The following MRRF variants were observed in gnomAD, a reference collection of about 807,000 sequenced individuals.
The protein encoded by MRRF is mitochondrial ribosome recycling factor.
In MRRF, 18 loss-of-function variants were observed where a neutral mutation model predicts 25.1. That is an observed-to-expected ratio of 0.72 (90% confidence interval 0.50 to 1.06). The LOEUF (loss-of-function observed/expected upper bound fraction) is 1.06, where lower values mean the gene tolerates loss of function less well. MRRF is among the 50% of genes least tolerant of loss of function. MRRF has a pLI of 0.00. For missense variants in MRRF, 323 were observed against 319.3 expected (o/e 1.01, Z -0.09); for synonymous variants, 113 against 112.1 (o/e 1.01, Z -0.05).
At chr9:122,283,147 G>A (rs1263691781) in intron 3 of MRRF, among the ~76,000 whole-genome samples, 1 of 149,572 alleles carries the variant, frequency 6.7e-6, no homozygotes, top group East Asian at 2.0e-4. Context: ...GGAGTGGAGT[G>A]CAATGGCGCG....
intron 5 of MRRF, among the ~76,000 whole-genome samples, chr9:122,293,458 A>G (rs762805113): frequency 6.6e-5 from 10 of 152,176 alleles, no homozygotes; most frequent in Non-Finnish European, 1.5e-4. Context: ...GACAACAAGA[A>G]TCAATCCCAA....
At chr9:122,273,514 CCTAT>C (rs927365029) in intron 2 of MRRF, among the ~76,000 whole-genome samples, 2 of 150,068 alleles carry the variant, frequency 1.3e-5, no homozygotes, top group East Asian at 1.9e-4. Flanking sequence ...CTGGGGGAAT[CCTAT>C]CTTTTTTTTT....
intron 5 of MRRF, among the ~76,000 whole-genome samples, chr9:122,308,473 C>T (rs1403058611): frequency 6.7e-6 from 1 of 149,352 alleles, no homozygotes. Flanking sequence ...CCGAGGCAGG[C>T]AGATCACTTA....
At chr9:122,265,574 A>G in intron 1 of MRRF, 1 of 376,244 alleles carries the variant, frequency 2.7e-6, no homozygotes, top group South Asian at 2.0e-5. Context: ...GTTTTAAACC[A>G]CACTGTTGCA....
At chr9:122,294,165 AG>A (rs1444413746) in intron 5 of MRRF, among the ~76,000 whole-genome samples, 1 of 152,170 alleles carries the variant, frequency 6.6e-6, no homozygotes, top group Non-Finnish European at 1.5e-5. Context: ...GGTTGTTCTT[AG>A]TGGCCTGCCA....
chr9:122,270,703 C>T lies in MRRF; in HGVS notation c.-28-161C>T, dbSNP rs953941980. The stretch of plus-strand genomic sequence containing the variant: ...AAAATGAGGCAAATAATATTTTCTT[C>T]TAGGGCTGTTGGGAAAAGGATTAGA... On this transcript the variant is annotated intron_variant, in intron 1 of 6. Coordinates refer to ENST00000344641, the MANE Select transcript of MRRF (RefSeq NM_138777.5). 1.3e-5 allele frequency: 8 copies of T among 626,048 alleles called. No individual in the cohort carries two copies. The African/African-American group carries it at 1.5e-4, about 11-fold the overall frequency. The allele number at this position is 626,048 out of a possible 1,614,324, so 38.8% of individuals were successfully genotyped here.
intron 5 of MRRF, among the ~76,000 whole-genome samples, chr9:122,308,371 T>C (rs1834991760): frequency 6.6e-6 from 1 of 151,674 alleles, no homozygotes; most frequent in Non-Finnish European, 1.5e-5. Flanking sequence ...ATTTTTAAAA[T>C]GTACTGTTTT....
intron 4 of MRRF, 183 bp downstream of exon 4, chr9:122,285,470 A>G: frequency 1.5e-6 from 1 of 648,006 alleles, no homozygotes; most frequent in Admixed American, 2.3e-5. Flanking sequence ...TTAAACTCAG[A>G]TGCTACAGAG....
intron 6 of MRRF, among the ~76,000 whole-genome samples, chr9:122,315,663 A>G (rs1461260312): frequency 1.3e-5 from 2 of 151,918 alleles, no homozygotes; most frequent in Non-Finnish European, 2.9e-5. Flanking sequence ...GGCCTCATTA[A>G]TAGTCTGGGC....
chr9:122,313,777 T>C (rs1386970421), intron 6 of MRRF, among the ~76,000 whole-genome samples: 1 of 152,180 alleles, frequency 6.6e-6, no homozygotes, highest in Non-Finnish European at 1.5e-5. Flanking sequence ...GCTAATGCTC[T>C]CCTGTCTGGT....
intron 4 of MRRF, 147 bp from the exon 5 acceptor site, chr9:122,291,602 C>T (rs1833773840): frequency 2.8e-6 from 2 of 705,458 alleles, no homozygotes; most frequent in Non-Finnish European, 2.6e-6. Flanking sequence ...TCAAAGCACT[C>T]TACACCAATG....
intron 5 of MRRF, among the ~76,000 whole-genome samples, chr9:122,293,154 A>G (rs1588044829): frequency 6.6e-6 from 1 of 152,168 alleles, no homozygotes; most frequent in East Asian, 1.9e-4. Flanking sequence ...TTTATTATGG[A>G]TAGGGAGGGT....
intron 6 of MRRF, among the ~76,000 whole-genome samples, chr9:122,316,636 G>A (rs10119462): frequency 0.022 from 3,403 of 152,064 alleles, 129 homozygotes; most frequent in African/African-American, 0.078. Flanking sequence ...GTGCGTGCAT[G>A]TTTTAAAGAT....
intron 6 of MRRF, among the ~76,000 whole-genome samples, chr9:122,316,775 G>A (rs1285364868): frequency 6.6e-6 from 1 of 151,466 alleles, no homozygotes; most frequent in Non-Finnish European, 1.5e-5. Context: ...ACATTGGAGA[G>A]GCAACCGCTC....
At chr9:122,290,978 G>C (rs995384669) in intron 4 of MRRF, among the ~76,000 whole-genome samples, 5 of 152,210 alleles carry the variant, frequency 3.3e-5, no homozygotes, top group Non-Finnish European at 7.3e-5. Flanking sequence ...TATAATAAAT[G>C]TATATAATAT....
chr9:122,320,630 G>C (rs145885298), intron 6 of MRRF, among the ~76,000 whole-genome samples: 7 of 152,358 alleles, frequency 4.6e-5, no homozygotes, highest in Non-Finnish European at 8.8e-5. Context: ...AGCCACTCTT[G>C]CAGTGTGTCT....
intron 1 of MRRF, among the ~76,000 whole-genome samples, chr9:122,266,454 T>C (rs1487326114): frequency 6.6e-6 from 1 of 152,202 alleles, no homozygotes; most frequent in Non-Finnish European, 1.5e-5. Flanking sequence ...TTCAATGGCA[T>C]GTTTGAAGAC....
chr9:122,323,632 G>T lies in MRRF; in HGVS notation c.*1015G>T, dbSNP rs1836015408. 1 of 152,016 alleles carries T rather than the reference G, an allele frequency of 6.6e-6. No homozygotes were observed. The highest frequency in any genetic ancestry group is 2.1e-4 in the South Asian group (1 of 4,826). The allele number at this position is 152,016 out of a possible 1,614,324, so 9.4% of individuals were successfully genotyped here. ...TTATCTTCGGATACTGGGTTATTAG[G>T]TTTTTTTCCCTCCAATTATTTTTTA... On this transcript the variant is annotated 3_prime_UTR_variant, in exon 7 of 7. Coordinates refer to ENST00000344641, the MANE Select transcript of MRRF (RefSeq NM_138777.5).
chr9:122,269,308 T>A (rs1253588757), intron 1 of MRRF, among the ~76,000 whole-genome samples: 1 of 152,222 alleles, frequency 6.6e-6, no homozygotes, highest in Non-Finnish European at 1.5e-5. Flanking sequence ...AGGAAAGTGA[T>A]GCTCAGAAAA....
Sources: gnomAD v4.1 joint callset for allele counts (sites outside exome capture counted in the v4.1 genomes callset) on GRCh38, gnomAD v4.1.1 for gene constraint, MANE v1.5 for transcripts, NCBI Gene and HGNC (gene_info 2026-07-23, HGNC 2026-07-21) for gene names.